ACSL4: variants seen among roughly 807,000 people sequenced by gnomAD.
The protein encoded by ACSL4 is acyl-CoA synthetase long chain family member 4, also known as long-chain-fatty-acid--CoA ligase 4.
ACSL4 carries 9 observed loss-of-function variants against 49.1 expected under a neutral mutation model. The observed-to-expected ratio is 0.18, with a 90% CI of 0.11 to 0.32. ACSL4 has a LOEUF of 0.32. ACSL4 is among the 10% of genes least tolerant of loss of function. The pLI is 1.00. For missense variants in ACSL4, 333 were observed against 493.7 expected (o/e 0.67, Z 3.08); for synonymous variants, 191 against 170.3 (o/e 1.12, Z -0.95).
At chrX:109,676,301 C>G (rs1445042485) in intron 8 of ACSL4, among the ~76,000 whole-genome samples, 1 of 108,459 alleles carries the variant, frequency 9.2e-6, no homozygotes, top group East Asian at 2.9e-4. Context: ...CCAAAAAAAA[C>G]TATTTAACTT....
chrX:109,687,999 T>C (rs1924742787), intron 2 of ACSL4, among the ~76,000 whole-genome samples: 1 of 111,532 alleles, frequency 9.0e-6, no homozygotes, highest in African/African-American at 3.3e-5. Context: ...GTTGAGTGTC[T>C]CACTTTAAAC....
At chrX:109,655,277 C>T (rs901667028) in intron 15 of ACSL4, among the ~76,000 whole-genome samples, 2 of 111,056 alleles carry the variant, frequency 1.8e-5, no homozygotes, top group Non-Finnish European at 3.8e-5. Context: ...AAAAAGGATT[C>T]CTTTTAATAT....
At chrX:109,724,844 G>A (rs1467602415) in intron 1 of ACSL4, among the ~76,000 whole-genome samples, 3 of 110,390 alleles carry the variant, frequency 2.7e-5, no homozygotes, top group East Asian at 2.9e-4. Flanking sequence ...TCTGTGAGAC[G>A]GAGGTTGTAG....
chrX:109,678,768 T>C (rs1923937085), intron 6 of ACSL4, among the ~76,000 whole-genome samples: 1 of 112,638 alleles, frequency 8.9e-6, no homozygotes, highest in African/African-American at 3.2e-5. Context: ...AGGTTGAGGC[T>C]ATGGTGAGCT....
At chrX:109,727,807 T>C (rs1326862374) in intron 1 of ACSL4, among the ~76,000 whole-genome samples, 2 of 110,879 alleles carry the variant, frequency 1.8e-5, no homozygotes, top group African/African-American at 6.6e-5. Context: ...AAGGGCTCTG[T>C]TTCAGCTCTG....
intron 15 of ACSL4, among the ~76,000 whole-genome samples, chrX:109,648,698 TAAAG>T (rs1934858328): frequency 9.2e-6 from 1 of 108,252 alleles, no homozygotes; most frequent in East Asian, 2.9e-4. Flanking sequence ...GAGAAGGAAA[TAAAG>T]GGTATTCAAT....
chrX:109,652,875 T>G (rs1443981772), intron 15 of ACSL4, among the ~76,000 whole-genome samples: 2 of 111,442 alleles, frequency 1.8e-5, no homozygotes, highest in Non-Finnish European at 3.8e-5. Flanking sequence ...ATAAATAAGC[T>G]TTTTCAATCT....
At chrX:109,713,557 A>G (rs1051452540) in intron 1 of ACSL4, among the ~76,000 whole-genome samples, 1 of 111,012 alleles carries the variant, frequency 9.0e-6, no homozygotes, top group African/African-American at 3.3e-5. Context: ...AATTGCCAAT[A>G]GTAAAAAATT....
At chrX:109,674,963 C>T (rs889472070) in intron 8 of ACSL4, among the ~76,000 whole-genome samples, 1 of 112,414 alleles carries the variant, frequency 8.9e-6, no homozygotes, top group African/African-American at 3.2e-5. Context: ...ATACTGAGAA[C>T]ACTGCCAGGG....
At chrX:109,658,907 C>T (rs893528776) in intron 15 of ACSL4, among the ~76,000 whole-genome samples, 1 of 111,559 alleles carries the variant, frequency 9.0e-6, no homozygotes, top group African/African-American at 3.3e-5. Flanking sequence ...TAACACAATT[C>T]CTGGCATATA....
intron 1 of ACSL4, among the ~76,000 whole-genome samples, chrX:109,701,123 T>C (rs1489646812): frequency 8.9e-6 from 1 of 111,979 alleles, no homozygotes; most frequent in Non-Finnish European, 1.9e-5. Context: ...GAAGTGAAAG[T>C]GTCCTTTTTA....
At chrX:109,689,013 G>A (rs1329604136) in intron 2 of ACSL4, among the ~76,000 whole-genome samples, 1 of 110,635 alleles carries the variant, frequency 9.0e-6, no homozygotes, top group East Asian at 2.8e-4. Flanking sequence ...ATCCACTTAG[G>A]TGTCAGTTAA....
rs930069100 is a variant in ACSL4, at chrX:109,733,204, G to A, written c.-131C>T. 10 of 327,180 alleles carry A rather than the reference G, an allele frequency of 3.1e-5. No homozygotes were observed. The highest frequency in any genetic ancestry group is 1.6e-4 in the Admixed American group (5 of 32,142). The allele number at this position is 327,180 out of a possible 1,213,427, so 27.0% of individuals were successfully genotyped here. A position where few individuals can be genotyped will look rare whatever the true frequency, so the allele number is the denominator to read the frequency against. On this transcript the variant is annotated 5_prime_UTR_variant, in exon 1 of 16. Coordinates refer to ENST00000672401, the MANE Select transcript of ACSL4 (RefSeq NM_001318510.2). ...CTGGCACTCGGAAAGCTCGCAAAAAGGAACCGCGTGCCCGCTAGCGCTGGG... is the reference window on the plus strand; with the variant it reads ...CTGGCACTCGGAAAGCTCGCAAAAAAGAACCGCGTGCCCGCTAGCGCTGGG...
At position 109,703,116 on chromosome X, in the gene ACSL4, T is replaced by C. The variant is rs183882567; in HGVS notation, c.-65-6920A>G. 6.3e-5 allele frequency among the ~76,000 whole-genome samples: 7 copies of C among 111,962 alleles called. No individual in the cohort carries two copies. In the East Asian group the frequency reaches 1.7e-3, roughly 27 times the overall value. On this transcript the variant is annotated intron_variant, in intron 1 of 15. Transcript: ENST00000672401. The stretch of plus-strand genomic sequence containing the variant: ...TAAAAAGTGTGTGGATATTACTTCA[T>C]TGCAAAGGGGAAAATGATAACATTA...
chrX:109,651,105 T>C (rs1376550241), intron 15 of ACSL4, among the ~76,000 whole-genome samples: 4 of 112,157 alleles, frequency 3.6e-5, no homozygotes, highest in Non-Finnish European at 5.6e-5. Context: ...ATTAATACTT[T>C]TAAATTCCAT....
chrX:109,698,243 A>T (rs762112212), intron 1 of ACSL4, among the ~76,000 whole-genome samples: 1 of 112,232 alleles, frequency 8.9e-6, no homozygotes, highest in South Asian at 3.7e-4. Flanking sequence ...AGCAAAGAAA[A>T]GGAAACCAAA....
Position 109,643,856 on chromosome X carries a change from TAAGTTA to T in ACSL4, c.*167_*172del. 1 of 540,606 alleles carries T rather than the reference TAAGTTA, an allele frequency of 1.8e-6. No homozygotes were observed. Among genetic ancestry groups the T allele is most frequent in the Non-Finnish European group, 3.0e-6 (1 of 329,657 alleles). 44.6% of individuals were successfully genotyped at this position (540,606 alleles called of 1,213,427 possible). A position where few individuals can be genotyped will look rare whatever the true frequency, so the allele number is the denominator to read the frequency against. On this transcript the variant is annotated 3_prime_UTR_variant, in exon 16 of 16. Transcript: ENST00000672401. ...CAGCTGCACTAGAACTATGCAAAAC[TAAGTTA>T]AAGTAAACCGGACAACAATTTTAAT...
chrX:109,718,216 G>A (rs1927270464), intron 1 of ACSL4, among the ~76,000 whole-genome samples: 1 of 112,346 alleles, frequency 8.9e-6, no homozygotes, highest in African/African-American at 3.2e-5. Flanking sequence ...CAATTTGCTA[G>A]GAATGATGCG....
rs189884890 is a variant in ACSL4 at position 109,677,307 on chromosome X, G to A, written c.930+681C>T. ...CTGCCTAGTGGCTACTGTATCAGAC[G>A]GTACTGCTCTAGAAAAATCTCGGGA... On this transcript the variant is annotated intron_variant, in intron 8 of 15. Transcript: ENST00000672401. Among the ~76,000 whole-genome samples, 358 of 109,599 alleles carry A rather than the reference G, an allele frequency of 3.3e-3. 3 individuals are homozygous for A. Among genetic ancestry groups the A allele is most frequent in the African/African-American group, 0.011 (341 of 30,148 alleles).
Sources: allele counts gnomAD v4.1 joint callset (sites outside exome capture counted in the v4.1 genomes callset), GRCh38; gene constraint gnomAD v4.1.1; transcripts MANE v1.5; gene names NCBI Gene and HGNC (gene_info 2026-07-23, HGNC 2026-07-21).